ELAPOR2: variants seen among roughly 807,000 people sequenced by gnomAD.
ELAPOR2 encodes the protein endosome/lysosome-associated apoptosis and autophagy regulator family member 2.
A neutral mutation model predicts 120.7 loss-of-function variants in ELAPOR2; 89 were observed. The ratio of observed to expected loss-of-function variants is 0.74; its 90% CI spans 0.62 to 0.88. ELAPOR2 has a LOEUF of 0.88. Among genes scored for constraint, ELAPOR2 ranks in the 40% least tolerant of loss-of-function variants. The pLI is 0.00. For synonymous variants in ELAPOR2, 444 were observed against 444.9 expected (o/e 1.00, Z 0.03); for missense variants, 1,134 against 1,251.6 (o/e 0.91, Z 1.42).
At chr7:86,975,812 C>T (rs1792265502) in intron 1 of ELAPOR2, among the ~76,000 whole-genome samples, 1 of 152,194 alleles carries the variant, frequency 6.6e-6, no homozygotes, top group South Asian at 2.1e-4. Flanking sequence ...ATAAGAAAGT[C>T]AAAACTTTCT....
intron 1 of ELAPOR2, among the ~76,000 whole-genome samples, chr7:86,989,568 G>C (rs1792873435): frequency 6.6e-6 from 1 of 152,212 alleles, no homozygotes; most frequent in African/African-American, 2.4e-5. Flanking sequence ...CTTATGCAGA[G>C]TGGCTGAAAT....
Position 86,947,783 on chromosome 7 carries a change from T to C in ELAPOR2, c.450A>G (p.Ala150=). 1 of 1,551,774 alleles carries C rather than the reference T, an allele frequency of 6.4e-7. No homozygotes were observed. The highest frequency in any genetic ancestry group is 1.2e-5 in the South Asian group (1 of 84,066). The change falls in exon 3 of 22, where the codon GCA becomes GCG. Residue 150 remains alanine (A), a synonymous_variant. Coordinates refer to ENST00000450689, the MANE Select transcript of ELAPOR2 (RefSeq NM_001142749.3). ...DELPAGFSNI[A]TFMDTVVGPS... is the part of the protein sequence containing the mutation. ...GGCCCACCACAGTGTCCATGAATGT[T>C]GCGATGTTAGAAAATCCTGCCGGCA... is the stretch of plus-strand genomic sequence containing the variant.
intron 11 of ELAPOR2, among the ~76,000 whole-genome samples, chr7:86,918,917 G>A (rs1321179279): frequency 1.3e-5 from 2 of 152,060 alleles, no homozygotes; most frequent in Non-Finnish European, 2.9e-5. Flanking sequence ...AGATACTCCT[G>A]CAAACAACTT....
At chr7:87,039,828 C>G (rs1020154778) in intron 1 of ELAPOR2, among the ~76,000 whole-genome samples, 2 of 152,094 alleles carry the variant, frequency 1.3e-5, no homozygotes, top group Non-Finnish European at 2.9e-5. Context: ...ACGCAGAAGA[C>G]GGGTGATTTC....
chr7:86,910,754 G>A (rs866957845), intron 15 of ELAPOR2, among the ~76,000 whole-genome samples: 13 of 151,886 alleles, frequency 8.6e-5, no homozygotes, highest in African/African-American at 2.9e-4. Flanking sequence ...CAAAGTAAAT[G>A]TAAAAATAAT....
Position 86,942,081 on chromosome 7 carries a change from C to G in ELAPOR2, c.678G>C (p.Glu226Asp), listed in dbSNP as rs538623651. Residue 226 changes from glutamate to aspartate, a missense_variant, in exon 5 of 22, where the codon GAG (glutamate) becomes GAC (aspartate). Physicochemically the swap from Glu to Asp is conservative, Grantham distance 45. Around this residue, in one of 3 missense-constraint regions of ELAPOR2, gnomAD observed 280 missense variants for 331.5 expected, o/e 0.84. Coordinates refer to ENST00000450689, the MANE Select transcript of ELAPOR2 (RefSeq NM_001142749.3). The part of the protein sequence containing the change: ...EFFIQNDQCQ[E>D]MDTTTDKWVK... Reference sequence around the variant, plus strand: ...CCCACTTGTCAGTGGTGGTGTCCATCTCCTGGCACTGATCATTTTGAATCT... The same window carrying G: ...CCCACTTGTCAGTGGTGGTGTCCATGTCCTGGCACTGATCATTTTGAATCT... 3.2e-6 allele frequency: 5 copies of G among 1,547,826 alleles called. No individual in the cohort carries two copies. Among genetic ancestry groups the G allele is most frequent in the Non-Finnish European group, 4.4e-6 (5 of 1,143,876 alleles).
intron 2 of ELAPOR2, among the ~76,000 whole-genome samples, chr7:86,958,616 C>CT (rs1434642356): frequency 6.6e-6 from 1 of 152,176 alleles, no homozygotes; most frequent in Non-Finnish European, 1.5e-5. Context: ...TCAGATCTCA[C>CT]AGAGCACCCA....
At chr7:86,904,096 T>C (rs1374043114) in intron 18 of ELAPOR2, among the ~76,000 whole-genome samples, 3 of 152,220 alleles carry the variant, frequency 2.0e-5, no homozygotes, top group Non-Finnish European at 4.4e-5. Flanking sequence ...ACTGCAGCTA[T>C]ACAACCTGGC....
intron 1 of ELAPOR2, among the ~76,000 whole-genome samples, chr7:87,050,414 C>T (rs1382467850): frequency 6.6e-6 from 1 of 152,050 alleles, no homozygotes; most frequent in African/African-American, 2.4e-5. Context: ...GTACCTGCCC[C>T]TCCACTCACT....
chr7:86,952,281 G>A (rs112130044), intron 2 of ELAPOR2, among the ~76,000 whole-genome samples: 69 of 152,270 alleles, frequency 4.5e-4, no homozygotes, highest in African/African-American at 1.6e-3. Context: ...GGTGAGGGAG[G>A]AAGGGATTAT....
At chr7:86,996,933 G>A (rs192939872) in intron 1 of ELAPOR2, among the ~76,000 whole-genome samples, 8 of 152,268 alleles carry the variant, frequency 5.3e-5, no homozygotes, top group East Asian at 1.9e-4. Flanking sequence ...ACTAAATCCC[G>A]AAGTAGTGCC....
At chr7:86,986,761 G>A (rs942584225) in intron 1 of ELAPOR2, among the ~76,000 whole-genome samples, 2 of 151,468 alleles carry the variant, frequency 1.3e-5, no homozygotes, top group African/African-American at 2.4e-5. Flanking sequence ...CGTGAAAATG[G>A]CCATACTGCC....
chr7:86,929,661 T>G (rs1790236516), intron 8 of ELAPOR2, among the ~76,000 whole-genome samples: 1 of 151,994 alleles, frequency 6.6e-6, no homozygotes. Flanking sequence ...TTGCTGCTTT[T>G]CTCTTTTCCC....
At chr7:86,920,076 T>C (rs1489208632) in intron 10 of ELAPOR2, among the ~76,000 whole-genome samples, 4 of 152,108 alleles carry the variant, frequency 2.6e-5, no homozygotes, top group Non-Finnish European at 5.9e-5. Context: ...AATATCAGTA[T>C]CTGCCACTGC....
intron 19 of ELAPOR2, among the ~76,000 whole-genome samples, chr7:86,893,981 A>G (rs1396526960): frequency 1.3e-5 from 2 of 152,200 alleles, no homozygotes; most frequent in Admixed American, 1.3e-4. Flanking sequence ...TATAGGCACT[A>G]ATCTTTTAAC....
intron 1 of ELAPOR2, among the ~76,000 whole-genome samples, chr7:86,973,265 C>A (rs745686124): frequency 4.6e-5 from 7 of 152,112 alleles, no homozygotes; most frequent in Non-Finnish European, 2.9e-5. Context: ...AATTCATTCT[C>A]GATCTGCTGC....
At chr7:87,035,676 C>T (rs1035481788) in intron 1 of ELAPOR2, among the ~76,000 whole-genome samples, 1 of 152,190 alleles carries the variant, frequency 6.6e-6, no homozygotes, top group Admixed American at 6.5e-5. Flanking sequence ...CTTCCACAAA[C>T]AAGGCATTCT....
At chr7:86,975,251 C>T (rs1792245957) in intron 1 of ELAPOR2, among the ~76,000 whole-genome samples, 1 of 152,152 alleles carries the variant, frequency 6.6e-6, no homozygotes, top group Non-Finnish European at 1.5e-5. Context: ...CTTGCCAATG[C>T]TGCCACTTGA....
intron 1 of ELAPOR2, among the ~76,000 whole-genome samples, chr7:86,990,224 T>A (rs182973502): frequency 0.011 from 1,657 of 152,018 alleles, 15 homozygotes; most frequent in Non-Finnish European, 0.019. Flanking sequence ...TTTTTTTGTA[T>A]TTTTTAGTAG....
Sources: allele counts gnomAD v4.1 joint callset (sites outside exome capture counted in the v4.1 genomes callset), GRCh38; gene constraint gnomAD v4.1.1; regional missense constraint gnomAD v4.1.1; transcripts MANE v1.5; gene names NCBI Gene and HGNC (gene_info 2026-07-23, HGNC 2026-07-21).